Variants in PDE6C observed in about 807,000 individuals in gnomAD.
PDE6C encodes phosphodiesterase 6C.
In PDE6C, 75 loss-of-function variants were observed where a neutral mutation model predicts 113.1. The ratio of observed to expected loss-of-function variants is 0.66; its 90% CI spans 0.55 to 0.80. PDE6C has a LOEUF of 0.80. Among genes scored for constraint, PDE6C ranks in the 30% least tolerant of loss-of-function variants. PDE6C has a pLI of 0.00. For synonymous variants in PDE6C, 375 were observed against 363.7 expected (o/e 1.03, Z -0.35); for missense variants, 912 against 1,038.6 (o/e 0.88, Z 1.67).
intron 15 of PDE6C, among the ~76,000 whole-genome samples, chr10:93,648,776 T>A (rs909982158): frequency 1.3e-5 from 2 of 152,218 alleles, no homozygotes; most frequent in African/African-American, 4.8e-5. Flanking sequence ...TAGAATATAC[T>A]GTAGAAATGA....
intron 11 of PDE6C, among the ~76,000 whole-genome samples, chr10:93,637,324 G>A (rs541695583): frequency 1.3e-4 from 20 of 151,924 alleles, no homozygotes; most frequent in Non-Finnish European, 2.2e-4. Flanking sequence ...GGGACTTCAG[G>A]CACAGAATCT....
intron 20 of PDE6C, 27 bp downstream of exon 20, chr10:93,662,670 A>T (rs190148009): frequency 1.4e-4 from 142 of 1,011,742 alleles, no homozygotes; most frequent in Admixed American, 1.2e-3. Flanking sequence ...TTTGAATTAA[A>T]TACATAAACA....
rs144788227 is a variant in PDE6C at position 93,659,501 on chromosome 10, A to G, written c.2208+334A>G. On this transcript the variant is annotated intron_variant, in intron 18 of 21. Transcript: ENST00000371447. ...ACATACCCGAGACTGGGTAATTTAT[A>G]AAGGAAAGAGGTTTAATGAACTCAC... Among the ~76,000 whole-genome samples, 116 of 152,290 alleles carry G rather than the reference A, an allele frequency of 7.6e-4. 2 individuals are homozygous for G. In the East Asian group the frequency reaches 0.021, roughly 28 times the overall value.
Position 93,637,049 on chromosome 10 carries a change from C to T in PDE6C, c.1468C>T (p.Leu490Phe). ...DVIDDCEEKQ[L>F]VAILKEDLPD... ...AATTGACGACTGTGAAGAAAAACAA[C>T]TTGTTGCAATTTTGGTAAGTGTTTT... Residue 490 changes from leucine to phenylalanine, a missense_variant, in exon 11 of 22, where the codon CTT (leucine) becomes TTT (phenylalanine). Coordinates refer to ENST00000371447, the MANE Select transcript of PDE6C (RefSeq NM_006204.4). 1 of 1,595,134 alleles carries T rather than the reference C, an allele frequency of 6.3e-7. No homozygotes were observed. The highest frequency in any genetic ancestry group is 8.6e-7 in the Non-Finnish European group (1 of 1,163,038).
At chr10:93,627,287 G>C (rs1384045657) in intron 7 of PDE6C, among the ~76,000 whole-genome samples, 2 of 114,590 alleles carry the variant, frequency 1.7e-5, no homozygotes, top group Admixed American at 1.7e-4. Flanking sequence ...AAAAAAGCTA[G>C]ATGATCACTT....
Position 93,658,029 on chromosome 10 carries a change from G to A in PDE6C, c.2037-872G>A, listed in dbSNP as rs113096478. Among the ~76,000 whole-genome samples, 184 of 151,642 alleles carry A rather than the reference G, an allele frequency of 1.2e-3. 2 individuals carry two copies. Among genetic ancestry groups the A allele is most frequent in the African/African-American group, 4.3e-3 (176 of 41,402 alleles). On this transcript the variant is annotated intron_variant, in intron 16 of 21. Transcript: ENST00000371447. ...ACAAAAAAATTAAAAAATTAGCCAG[G>A]CATGCTGGAGCATGCCTGTAGTCCC...
intron 15 of PDE6C, among the ~76,000 whole-genome samples, chr10:93,654,060 GTAA>G (rs1481750082): frequency 6.6e-6 from 1 of 151,994 alleles, no homozygotes; most frequent in African/African-American, 2.4e-5. Flanking sequence ...ATAACTTTAC[GTAA>G]TAATAATAAT....
intron 14 of PDE6C, among the ~76,000 whole-genome samples, chr10:93,643,362 T>A (rs2058568559): frequency 6.6e-6 from 1 of 151,982 alleles, no homozygotes; most frequent in African/African-American, 2.4e-5. Context: ...AGACTGTCAG[T>A]GTGTGTGAAT....
chr10:93,652,621 C>A (rs919972611), intron 15 of PDE6C, among the ~76,000 whole-genome samples: 31 of 152,160 alleles, frequency 2.0e-4, no homozygotes, highest in African/African-American at 7.5e-4. Context: ...AATCTATCAA[C>A]TTTAATACAG....
Position 93,645,922 on chromosome 10 carries a change from T to C in PDE6C, c.1848-38T>C, listed in dbSNP as rs565881185. ...ATTGTATGAACCTATGTGTAATTTT[T>C]AAACAGCTAGAATCATGGCATGTTG... On this transcript the variant is annotated intron_variant, in intron 14 of 21. Transcript: ENST00000371447. 2.4e-6 allele frequency: 3 copies of C among 1,247,252 alleles called. No individual in the cohort carries two copies. The Admixed American group carries it at 5.1e-5, about 21-fold the overall frequency. 77.3% of individuals were successfully genotyped at this position (1,247,252 alleles called of 1,614,324 possible).
At chr10:93,658,291 TATA>T (rs1294497180) in intron 16 of PDE6C, among the ~76,000 whole-genome samples, 12 of 151,408 alleles carry the variant, frequency 7.9e-5, no homozygotes, top group African/African-American at 1.5e-4. Flanking sequence ...ATTTTGCTAA[TATA>T]ATGAGTGTGA....
intron 14 of PDE6C, among the ~76,000 whole-genome samples, chr10:93,643,484 G>T (rs2058569195): frequency 6.6e-6 from 1 of 151,994 alleles, no homozygotes; most frequent in Non-Finnish European, 1.5e-5. Flanking sequence ...GACCTCTGGG[G>T]CCCAAGCAAT....
chr10:93,662,370 G>A (rs1589707008), intron 19 of PDE6C, among the ~76,000 whole-genome samples, 190 bp from the exon 20 acceptor site: 1 of 150,320 alleles, frequency 6.7e-6, no homozygotes, highest in African/African-American at 2.5e-5. Flanking sequence ...GGCTGAGACA[G>A]GAGAATCACT....
chr10:93,638,255 T>C (rs1165393070), intron 11 of PDE6C, among the ~76,000 whole-genome samples: 1 of 152,182 alleles, frequency 6.6e-6, no homozygotes, highest in Non-Finnish European at 1.5e-5. Context: ...TCCCTTTCCA[T>C]CTTTTGTGGG....
rs893643393 is a variant in PDE6C at position 93,614,743 on chromosome 10, T to C, written c.480+1538T>C. On this transcript the variant is annotated intron_variant, in intron 1 of 21. Transcript: ENST00000371447. ...AAGGAAATAAGAGCATGGAGCTGCTTGGAGGTGGTTTTGGTCTGCGGCTGT... is the reference window on the plus strand; with the variant it reads ...AAGGAAATAAGAGCATGGAGCTGCTCGGAGGTGGTTTTGGTCTGCGGCTGT... 4.6e-5 allele frequency among the ~76,000 whole-genome samples: 7 copies of C among 152,126 alleles called. No homozygotes were observed. The East Asian group carries it at 1.4e-3, about 29-fold the overall frequency.
chr10:93,628,755 T>C (rs1374463638), intron 7 of PDE6C, among the ~76,000 whole-genome samples: 1 of 152,210 alleles, frequency 6.6e-6, no homozygotes, highest in Non-Finnish European at 1.5e-5. Flanking sequence ...CAATAGTCTG[T>C]GAATTCCACT....
At chr10:93,633,203 C>T (rs868327693) in intron 8 of PDE6C, among the ~76,000 whole-genome samples, 14 of 152,120 alleles carry the variant, frequency 9.2e-5, no homozygotes, top group African/African-American at 1.4e-4. Flanking sequence ...TAGTGACTCA[C>T]GCCTGTAATC....
intron 15 of PDE6C, among the ~76,000 whole-genome samples, chr10:93,650,072 C>A (rs972438780): frequency 1.3e-5 from 2 of 152,190 alleles, no homozygotes. Flanking sequence ...TAGGCGGCAA[C>A]CTTTGAAATG....
At chr10:93,614,321 G>A (rs1046146301) in intron 1 of PDE6C, among the ~76,000 whole-genome samples, 5 of 152,136 alleles carry the variant, frequency 3.3e-5, no homozygotes, top group African/African-American at 7.2e-5. Context: ...CATCAAACAC[G>A]AGTGACTCTC....
Sources: gnomAD v4.1 joint callset for allele counts (sites outside exome capture counted in the v4.1 genomes callset) on GRCh38, gnomAD v4.1.1 for gene constraint, MANE v1.5 for transcripts, NCBI Gene and HGNC (gene_info 2026-07-23, HGNC 2026-07-21) for gene names.